CCDC192: variants seen among roughly 807,000 people sequenced by gnomAD.
The protein encoded by CCDC192 is coiled-coil domain-containing protein 192.
chr5:127,828,216 G>T (rs10491252), intron 5 of CCDC192, among the ~76,000 whole-genome samples: 3,921 of 152,220 alleles, frequency 0.026, 113 homozygotes, highest in African/African-American at 0.073. Context: ...AATTTGCTAA[G>T]AATTTGAAGA....
intron 3 of CCDC192, chr5:127,784,801 G>A: frequency 4.1e-6 from 2 of 482,836 alleles, no homozygotes; most frequent in Non-Finnish European, 8.1e-6. Context: ...TTCTCATGAT[G>A]GCCATCTGAA....
intron 2 of CCDC192, among the ~76,000 whole-genome samples, chr5:127,736,818 C>T (rs1206790007): frequency 1.3e-5 from 2 of 149,548 alleles, no homozygotes; most frequent in Non-Finnish European, 3.0e-5. Context: ...ATTCTTCTCT[C>T]TTTTTTTCTT....
chr5:127,751,540 C>T (rs919324035), intron 2 of CCDC192, among the ~76,000 whole-genome samples: 1 of 152,042 alleles, frequency 6.6e-6, no homozygotes, highest in Non-Finnish European at 1.5e-5. Context: ...CTCTGGCTGC[C>T]CTTAACATTT....
At chr5:127,794,277 T>C (rs943879226) in intron 3 of CCDC192, among the ~76,000 whole-genome samples, 2 of 152,176 alleles carry the variant, frequency 1.3e-5, no homozygotes, top group African/African-American at 4.8e-5. Context: ...TGGGGTCAAA[T>C]TTGGGTGTAG....
At chr5:127,844,736 G>A (rs1048075641) in intron 5 of CCDC192, among the ~76,000 whole-genome samples, 2 of 152,132 alleles carry the variant, frequency 1.3e-5, no homozygotes, top group Non-Finnish European at 2.9e-5. Context: ...GCAGCCTGCC[G>A]AGCAGCCCAG....
At chr5:127,708,692 T>C (rs2126773602) in intron 2 of CCDC192, among the ~76,000 whole-genome samples, 1 of 152,324 alleles carries the variant, frequency 6.6e-6, no homozygotes, top group African/African-American at 2.4e-5. Flanking sequence ...ATAAAGATAA[T>C]GGACTTAACT....
At chr5:127,798,202 C>T (rs556431313) in intron 5 of CCDC192, 40 bp downstream of exon 5, 36 of 397,796 alleles carry the variant, frequency 9.0e-5, no homozygotes, top group African/African-American at 7.2e-4. Flanking sequence ...TTATTTATGT[C>T]ATTGTTAGCT....
rs142291594 is a variant in CCDC192, at chr5:127,818,130, A to G, written c.411+19968A>G. ...ATGGGCGTAGTGATTTTTAATCAAC[A>G]TGATATTTACATATTTTTTTGCTTA... is the stretch of plus-strand genomic sequence containing the variant. On this transcript the variant is annotated intron_variant, in intron 5 of 6. Transcript: ENST00000514853. Among the ~76,000 whole-genome samples, 1,411 of 152,056 alleles carry G rather than the reference A, an allele frequency of 9.3e-3. 28 individuals are homozygous for G. The highest frequency in any genetic ancestry group is 0.032 in the African/African-American group (1,341 of 41,320).
At chr5:127,843,029 G>GTTTTTTTTTTTT in intron 5 of CCDC192, among the ~76,000 whole-genome samples, 1 of 91,766 alleles carries the variant, frequency 1.1e-5, no homozygotes, top group Non-Finnish European at 2.0e-5. Flanking sequence ...TTTTAGTCAA[G>GTTTTTTTTTTTT]TTTTTTTTTT....
chr5:127,930,232 GTAAACTAAAC>G (rs10532099), intron 6 of CCDC192, among the ~76,000 whole-genome samples: 58 of 150,924 alleles, frequency 3.8e-4, no homozygotes, highest in African/African-American at 1.2e-3. Flanking sequence ...CTAAACTAAA[GTAAACTAAAC>G]TAAACTAAAC....
chr5:127,779,489 G>T (rs1456224454), intron 3 of CCDC192, among the ~76,000 whole-genome samples: 1 of 150,032 alleles, frequency 6.7e-6, no homozygotes, highest in East Asian at 1.9e-4. Flanking sequence ...TAGAGACGGG[G>T]TTTCACTGTG....
intron 6 of CCDC192, among the ~76,000 whole-genome samples, chr5:127,894,100 G>A (rs1752805106): frequency 6.6e-6 from 1 of 151,772 alleles, no homozygotes; most frequent in Non-Finnish European, 1.5e-5. Flanking sequence ...AGGTGTATAT[G>A]ACATGGAAAT....
intron 6 of CCDC192, among the ~76,000 whole-genome samples, chr5:127,926,224 A>G (rs1753859183): frequency 6.6e-6 from 1 of 152,170 alleles, no homozygotes; most frequent in Non-Finnish European, 1.5e-5. Flanking sequence ...TAGGTTTTCA[A>G]TTTTTGTCTA....
chr5:127,820,503 A>C (rs1355522974), intron 5 of CCDC192, among the ~76,000 whole-genome samples: 1 of 152,096 alleles, frequency 6.6e-6, no homozygotes, highest in Non-Finnish European at 1.5e-5. Flanking sequence ...AATCGCTTGA[A>C]CCCATGATGC....
At chr5:127,766,636 T>G (rs1202898392) in intron 3 of CCDC192, among the ~76,000 whole-genome samples, 3 of 131,898 alleles carry the variant, frequency 2.3e-5, no homozygotes, top group Non-Finnish European at 4.8e-5. Context: ...AAAAAAAAAG[T>G]ACGAACTCTA....
At chr5:127,734,294 T>C (rs1752833614) in intron 2 of CCDC192, among the ~76,000 whole-genome samples, 1 of 152,072 alleles carries the variant, frequency 6.6e-6, no homozygotes, top group South Asian at 2.1e-4. Context: ...CCATGGTGTA[T>C]ATCTGCCACA....
rs11952176 is a variant in CCDC192 at position 127,846,057 on chromosome 5, G to A, written c.412-29481G>A. On this transcript the variant is annotated intron_variant, in intron 5 of 6. Transcript: ENST00000514853. Reference sequence around the variant, plus strand: ...TGTAATCCCAGCACTTTGGCAGGCTGAGGCAGGTGGATCATGAGGTCAGGA... The same window carrying A: ...TGTAATCCCAGCACTTTGGCAGGCTAAGGCAGGTGGATCATGAGGTCAGGA... 5.8e-3 allele frequency among the ~76,000 whole-genome samples: 882 copies of A among 152,236 alleles called. 6 individuals carry two copies. The highest frequency in any genetic ancestry group is 0.02 in the African/African-American group (824 of 41,558).
chr5:127,769,071 T>C (rs1755398589), intron 3 of CCDC192, among the ~76,000 whole-genome samples: 2 of 152,214 alleles, frequency 1.3e-5, no homozygotes, highest in Non-Finnish European at 2.9e-5. Flanking sequence ...TGAGTGACAG[T>C]GGAGAACTAT....
At chr5:127,854,185 C>T (rs1005425625) in intron 5 of CCDC192, among the ~76,000 whole-genome samples, 1 of 152,136 alleles carries the variant, frequency 6.6e-6, no homozygotes, top group Non-Finnish European at 1.5e-5. Context: ...TTTCTTGATC[C>T]TTCATTAAAT....
Sources: gnomAD v4.1 joint callset for allele counts (sites outside exome capture counted in the v4.1 genomes callset) on GRCh38, gnomAD v4.1.1 for gene constraint, MANE v1.5 for transcripts, NCBI Gene and HGNC (gene_info 2026-07-23, HGNC 2026-07-21) for gene names.